The following B3GLCT variants were observed in gnomAD, a reference collection of about 807,000 sequenced individuals.
The protein encoded by B3GLCT is beta-1,3-glucosyltransferase.
Under a neutral mutation model 63.4 loss-of-function variants are expected in B3GLCT, and 65 were observed. The observed-to-expected ratio is 1.03, with a 90% CI of 0.84 to 1.26. The LOEUF (loss-of-function observed/expected upper bound fraction) is 1.26. Among genes scored for constraint, B3GLCT ranks in the 50% most tolerant of loss-of-function variants. B3GLCT has a pLI of 0.00. For missense variants in B3GLCT, 577 were observed against 604.8 expected, an observed-to-expected ratio of 0.95 and a Z score of 0.48; for synonymous variants, 233 against 219.2, an observed-to-expected ratio of 1.06 and a Z score of -0.55.
chr13:31,301,871 GTT>G (rs936130674), intron 12 of B3GLCT, among the ~76,000 whole-genome samples: 1 of 152,130 alleles, frequency 6.6e-6, no homozygotes, highest in Non-Finnish European at 1.5e-5. Context: ...TAAGACTTTT[GTT>G]TTAACCCCAT....
intron 6 of B3GLCT, among the ~76,000 whole-genome samples, chr13:31,260,211 T>G (rs1172915094): frequency 6.6e-6 from 1 of 152,198 alleles, no homozygotes; most frequent in Non-Finnish European, 1.5e-5. Flanking sequence ...TTCCTCAGAT[T>G]TTTGCATAGA....
intron 12 of B3GLCT, among the ~76,000 whole-genome samples, chr13:31,298,483 CT>C (rs1874066635): frequency 6.6e-6 from 1 of 152,252 alleles, no homozygotes; most frequent in Non-Finnish European, 1.5e-5. Context: ...ATAGCTTTAC[CT>C]TTTTAGATAT....
intron 12 of B3GLCT, among the ~76,000 whole-genome samples, chr13:31,308,449 G>A (rs969949029): frequency 2.0e-5 from 3 of 151,246 alleles, no homozygotes; most frequent in East Asian, 1.9e-4. Flanking sequence ...TATAGGTGGA[G>A]TCTGGCAGTC....
At chr13:31,202,240 A>G (rs1270998422) in intron 1 of B3GLCT, among the ~76,000 whole-genome samples, 1 of 152,246 alleles carries the variant, frequency 6.6e-6, no homozygotes, top group Non-Finnish European at 1.5e-5. Context: ...AGAAAAGTCA[A>G]TATAGAAAAT....
At chr13:31,264,000 G>A (rs1286204925) in intron 7 of B3GLCT, among the ~76,000 whole-genome samples, 4 of 152,140 alleles carry the variant, frequency 2.6e-5, no homozygotes, top group Non-Finnish European at 4.4e-5. Flanking sequence ...AAGATAAGGC[G>A]CTGGCAGATT....
Position 31,276,749 on chromosome 13 carries a change from C to A in B3GLCT, c.828C>A (p.Cys276Ter). The A allele has an allele frequency of 6.2e-7, 1 of 1,612,742 alleles. No individual in the cohort carries two copies. Among genetic ancestry groups the A allele is most frequent in the Non-Finnish European group, 8.5e-7 (1 of 1,178,988 alleles). The change falls in exon 10 of 15, where the codon TGC becomes TGA. Residue 276 changes from cysteine (C) to a stop codon, truncating the protein, a stop_gained. Coordinates refer to ENST00000343307, the MANE Select transcript of B3GLCT (RefSeq NM_194318.4). LOFTEE classifies it high-confidence loss of function. ...ATATTTTTGTTGCAGTAAAAACATG[C>A]AAGAAATTTCATGGTGACAGAAGTA... ...KKDIFVAVKT[C>*]KKFHGDRIPI...
chr13:31,302,496 G>A (rs1874274607), intron 12 of B3GLCT, among the ~76,000 whole-genome samples: 1 of 133,218 alleles, frequency 7.5e-6, no homozygotes, highest in African/African-American at 2.8e-5. Flanking sequence ...GAAGCAGGGC[G>A]AGGCATTGCC....
chr13:31,260,202 T>C (rs577291702), intron 6 of B3GLCT, among the ~76,000 whole-genome samples: 1 of 152,354 alleles, frequency 6.6e-6, no homozygotes, highest in Admixed American at 6.5e-5. Context: ...TGACGGCTCT[T>C]CCTCAGATTT....
chr13:31,314,751 G>GA lies in B3GLCT; in HGVS notation c.1065-2814dup, dbSNP rs550955926. 8.7e-4 allele frequency among the ~76,000 whole-genome samples: 133 copies of GA among 152,264 alleles called. 1 individual carries two copies. The highest frequency in any genetic ancestry group is 3.1e-3 in the African/African-American group (128 of 41,550). ...AGCATGATTGGTTTTGAAATGTGAG[G>GA]ACATGATATTTGAGAGGGGGCAGGG... On this transcript the variant is annotated intron_variant, in intron 12 of 14. Coordinates refer to ENST00000343307, the MANE Select transcript of B3GLCT (RefSeq NM_194318.4).
chr13:31,236,415 T>C (rs1328481948), intron 4 of B3GLCT, among the ~76,000 whole-genome samples: 1 of 152,194 alleles, frequency 6.6e-6, no homozygotes, highest in East Asian at 1.9e-4. Flanking sequence ...GGTGGCAACA[T>C]TGGTTTTACA....
chr13:31,302,019 T>G (rs1874246242), intron 12 of B3GLCT, among the ~76,000 whole-genome samples: 1 of 152,214 alleles, frequency 6.6e-6, no homozygotes, highest in Non-Finnish European at 1.5e-5. Flanking sequence ...TTCATCTTAT[T>G]TCTTACAAAC....
intron 13 of B3GLCT, among the ~76,000 whole-genome samples, chr13:31,322,849 T>C (rs1644135013): frequency 6.6e-6 from 1 of 152,176 alleles, no homozygotes; most frequent in South Asian, 2.1e-4. Context: ...CCGGAGTCAG[T>C]AGCTTGAGCC....
intron 1 of B3GLCT, among the ~76,000 whole-genome samples, chr13:31,204,467 C>T (rs564610540): frequency 2.6e-5 from 4 of 152,108 alleles, no homozygotes; most frequent in Admixed American, 6.6e-5. Context: ...AGCTCAGACC[C>T]GAAAGGGAAG....
At chr13:31,242,928 TG>T (rs1871025696) in intron 4 of B3GLCT, among the ~76,000 whole-genome samples, 1 of 152,224 alleles carries the variant, frequency 6.6e-6, no homozygotes, top group African/African-American at 2.4e-5. Flanking sequence ...TATAATCTGC[TG>T]GGGGCCATAA....
chr13:31,262,276 A>G (rs1004398488), intron 7 of B3GLCT, among the ~76,000 whole-genome samples: 1 of 152,242 alleles, frequency 6.6e-6, no homozygotes. Context: ...TAATAAATGT[A>G]CGTTATGCTT....
chr13:31,243,887 C>T (rs1418729126), intron 4 of B3GLCT, among the ~76,000 whole-genome samples: 2 of 152,126 alleles, frequency 1.3e-5, no homozygotes, highest in South Asian at 2.1e-4. Flanking sequence ...TTACTGCAAG[C>T]GACCTTTTCA....
Position 31,199,999 on chromosome 13 carries a change from G to GGGCGGC in B3GLCT, c.-79_-74dup, listed in dbSNP as rs1419253088. On this transcript the variant is annotated 5_prime_UTR_variant, in exon 1 of 15. Coordinates refer to ENST00000343307, the MANE Select transcript of B3GLCT (RefSeq NM_194318.4). ...CAGAGAAGGGTCAGCCGCGGCGGCA[G>GGGCGGC]GGCGGCGGCGGCAGCGGCGCAGCTC... 1.6e-5 allele frequency: 13 copies of GGGCGGC among 801,772 alleles called. No homozygotes were observed. The highest frequency in any genetic ancestry group is 5.8e-5 in the South Asian group (1 of 17,266). The allele number at this position is 801,772 out of a possible 1,614,324, so 49.7% of individuals were successfully genotyped here.
chr13:31,224,704 G>C (rs1870003039), intron 3 of B3GLCT, among the ~76,000 whole-genome samples: 1 of 152,108 alleles, frequency 6.6e-6, no homozygotes, highest in Non-Finnish European at 1.5e-5. Context: ...AACATAATTG[G>C]AGTGGCCCGC....
intron 3 of B3GLCT, among the ~76,000 whole-genome samples, chr13:31,224,995 ATCC>A (rs1566048572): frequency 1.3e-5 from 2 of 152,166 alleles, no homozygotes; most frequent in East Asian, 3.9e-4. Context: ...GCTCTTCAGC[ATCC>A]ATTTTCTAAC....
Sources: gnomAD v4.1 joint callset for allele counts (sites outside exome capture counted in the v4.1 genomes callset) on GRCh38, gnomAD v4.1.1 for gene constraint, MANE v1.5 for transcripts, NCBI Gene and HGNC (gene_info 2026-07-23, HGNC 2026-07-21) for gene names.